The following TTLL11 variants were observed in gnomAD, a reference collection of about 807,000 sequenced individuals.
TTLL11 encodes the protein tubulin tyrosine ligase like 11.
A neutral mutation model predicts 51.7 loss-of-function variants in TTLL11; 42 were observed. The ratio of observed to expected loss-of-function variants is 0.81; its 90% CI spans 0.64 to 1.05. The LOEUF (loss-of-function observed/expected upper bound fraction) is 1.05. TTLL11 is among the 50% of genes least tolerant of loss of function. The probability of loss-of-function intolerance (pLI) is 0.00; values close to 1 mark genes in which losing one functional copy is unlikely to be tolerated. For missense variants in TTLL11, 799 were observed against 940.4 expected (o/e 0.85, Z 1.97); for synonymous variants, 381 against 383.5 (o/e 0.99, Z 0.08).
At chr9:122,061,256 A>T (rs912242128) in intron 1 of TTLL11, among the ~76,000 whole-genome samples, 1 of 152,260 alleles carries the variant, frequency 6.6e-6, no homozygotes, top group Non-Finnish European at 1.5e-5. Flanking sequence ...ATCTTTAATT[A>T]CATCTGCAAA....
At chr9:122,059,665 C>A (rs1419729403) in intron 1 of TTLL11, among the ~76,000 whole-genome samples, 1 of 152,158 alleles carries the variant, frequency 6.6e-6, no homozygotes, top group Non-Finnish European at 1.5e-5. Flanking sequence ...AAAATTAATA[C>A]AAATGTGGTG....
At chr9:121,840,645 C>T (rs1173049437) in intron 8 of TTLL11, among the ~76,000 whole-genome samples, 1 of 152,196 alleles carries the variant, frequency 6.6e-6, no homozygotes, top group African/African-American at 2.4e-5. Flanking sequence ...ATCTGCCTGC[C>T]TCAGCCTCCC....
chr9:121,874,923 AT>A (rs368885206), intron 6 of TTLL11, among the ~76,000 whole-genome samples: 3,643 of 149,720 alleles, frequency 0.024, 128 homozygotes, highest in African/African-American at 0.082. Flanking sequence ...TGTCTGGCTA[AT>A]TTTTTTTTTC....
At chr9:122,024,993 C>G (rs1844287040) in intron 3 of TTLL11, among the ~76,000 whole-genome samples, 1 of 151,778 alleles carries the variant, frequency 6.6e-6, no homozygotes, top group Non-Finnish European at 1.5e-5. Flanking sequence ...CTCACATACC[C>G]CATAAGTATA....
intron 6 of TTLL11, among the ~76,000 whole-genome samples, chr9:121,932,658 G>A (rs1841034705): frequency 6.6e-6 from 1 of 152,128 alleles, no homozygotes; most frequent in Non-Finnish European, 1.5e-5. Flanking sequence ...ACCTTTCATA[G>A]TAGTACGGCA....
chr9:121,956,280 G>A (rs148785033), intron 6 of TTLL11, among the ~76,000 whole-genome samples: 8 of 152,292 alleles, frequency 5.3e-5, no homozygotes, highest in Non-Finnish European at 8.8e-5. Flanking sequence ...TTTCTCCTTC[G>A]TTAGAAGAAT....
chr9:121,836,886 C>G (rs1373211401), intron 8 of TTLL11, among the ~76,000 whole-genome samples: 5 of 152,178 alleles, frequency 3.3e-5, no homozygotes, highest in African/African-American at 1.2e-4. Context: ...CCCTCCTCTG[C>G]CTTGCGACCT....
rs567930003 is a variant in TTLL11 at position 121,848,543 on chromosome 9, T to C, written c.1840+11794A>G. On this transcript the variant is annotated intron_variant, in intron 8 of 8. Coordinates refer to ENST00000321582, the MANE Select transcript of TTLL11 (RefSeq NM_001139442.2). The stretch of plus-strand genomic sequence containing the variant: ...AACCTCCTGAAGTAACAAATGACTA[T>C]AGTATGTTTGAAGGATACAAGGTTA... Among the ~76,000 whole-genome samples, 7 of 152,316 alleles carry C rather than the reference T, an allele frequency of 4.6e-5. No homozygotes were observed. In the East Asian group the frequency reaches 9.6e-4, roughly 21 times the overall value.
intron 6 of TTLL11, among the ~76,000 whole-genome samples, chr9:121,962,186 G>A (rs764166140): frequency 6.6e-6 from 1 of 152,214 alleles, no homozygotes; most frequent in Non-Finnish European, 1.5e-5. Flanking sequence ...CTGGGTGGCT[G>A]ACTTTGAGGG....
intron 6 of TTLL11, among the ~76,000 whole-genome samples, chr9:121,956,087 G>C (rs1433060065): frequency 6.6e-6 from 1 of 152,220 alleles, no homozygotes; most frequent in Non-Finnish European, 1.5e-5. Flanking sequence ...CAGCCCACAG[G>C]CTGCCATGTT....
At chr9:121,987,292 T>C (rs765522919) in intron 4 of TTLL11, among the ~76,000 whole-genome samples, 4 of 152,148 alleles carry the variant, frequency 2.6e-5, no homozygotes, top group Non-Finnish European at 4.4e-5. Flanking sequence ...GTATGTTCCA[T>C]GTATTCTTTT....
At chr9:121,826,485 ATATATATATGTG>A (rs1836783089) in intron 8 of TTLL11, among the ~76,000 whole-genome samples, 1 of 73,192 alleles carries the variant, frequency 1.4e-5, no homozygotes, top group African/African-American at 6.1e-5. Context: ...ATATATGTAT[ATATATATATGTG>A]TGTGTATATA....
rs1843219070 is a variant in TTLL11 at position 121,995,303 on chromosome 9, G to A, written c.694-5533C>T. 2.0e-5 allele frequency among the ~76,000 whole-genome samples: 3 copies of A among 152,182 alleles called. No homozygotes were observed. Among genetic ancestry groups the A allele is most frequent in the Admixed American group, 2.0e-4 (3 of 15,284 alleles). On this transcript the variant is annotated intron_variant, in intron 3 of 8. Coordinates refer to ENST00000321582, the MANE Select transcript of TTLL11 (RefSeq NM_001139442.2). The surrounding 1 kb of genome is among the most constrained non-coding windows in gnomAD (Gnocchi z 4.4). ...CAGGCGAAGGATGGAGTTTCAACTG[G>A]CGAGGGACATGCATCCACGCATCAC...
intron 6 of TTLL11, among the ~76,000 whole-genome samples, chr9:121,944,533 G>T (rs191278083): frequency 6.6e-6 from 1 of 151,964 alleles, no homozygotes; most frequent in African/African-American, 2.4e-5. Context: ...AAAATATTGA[G>T]TTCCTTTAAG....
intron 6 of TTLL11, among the ~76,000 whole-genome samples, chr9:121,953,262 G>A (rs775026736): frequency 6.6e-6 from 1 of 152,138 alleles, no homozygotes; most frequent in African/African-American, 2.4e-5. Flanking sequence ...AAGAAGCCAT[G>A]CTCCACCAAT....
chr9:121,905,625 T>A lies in TTLL11; in HGVS notation c.1482-34877A>T, dbSNP rs552287500. ...GTCTCAGCCTCCCAAAGTGCTAGGA[T>A]TACAGGCATGAGCCACTGCACCCAG... On this transcript the variant is annotated intron_variant, in intron 6 of 8. Coordinates refer to ENST00000321582, the MANE Select transcript of TTLL11 (RefSeq NM_001139442.2). Among the ~76,000 whole-genome samples the A allele has an allele frequency of 2.0e-5, 3 of 152,318 alleles. No homozygotes were observed. The East Asian group carries it at 5.8e-4, about 29-fold the overall frequency.
chr9:122,065,402 T>C (rs1845555097), intron 1 of TTLL11, among the ~76,000 whole-genome samples: 1 of 152,232 alleles, frequency 6.6e-6, no homozygotes, highest in Admixed American at 6.5e-5. Flanking sequence ...CTATGGGTTT[T>C]TACAGTCTCT....
At chr9:121,916,681 G>A (rs1158604877) in intron 6 of TTLL11, among the ~76,000 whole-genome samples, 2 of 152,170 alleles carry the variant, frequency 1.3e-5, no homozygotes, top group Non-Finnish European at 2.9e-5. Context: ...ATAACGGAAC[G>A]ATGGTATCCA....
intron 1 of TTLL11, among the ~76,000 whole-genome samples, chr9:122,071,011 AGT>A (rs1476992556): frequency 1.3e-5 from 2 of 152,168 alleles, no homozygotes; most frequent in Admixed American, 1.3e-4. Flanking sequence ...CTAACTGGCC[AGT>A]GTCTCGGGCA....
Sources: allele counts gnomAD v4.1 joint callset (sites outside exome capture counted in the v4.1 genomes callset), GRCh38; gene constraint gnomAD v4.1.1; non-coding constraint Gnocchi (gnomAD v3.1); transcripts MANE v1.5; gene names NCBI Gene and HGNC (gene_info 2026-07-23, HGNC 2026-07-21).